Variants in AP1G1 observed in about 807,000 individuals in gnomAD.
The protein encoded by AP1G1 is adaptor related protein complex 1 subunit gamma 1, also known as AP-1 complex subunit gamma-1.
In AP1G1, 7 loss-of-function variants were observed where a neutral mutation model predicts 108.3. That is an observed-to-expected ratio of 0.06 (90% CI 0.04 to 0.12). The LOEUF (loss-of-function observed/expected upper bound fraction) is 0.12. AP1G1 is among the 10% of genes least tolerant of loss of function. The pLI, the probability that AP1G1 is intolerant of heterozygous loss-of-function variation, is 1.00. For synonymous variants in AP1G1, 379 were observed against 353.5 expected (o/e 1.07, Z -0.81); for missense variants, 756 against 1,010.7 (o/e 0.75, Z 3.42).
chr16:71,740,081 G>A (rs1188726670), intron 19 of AP1G1, among the ~76,000 whole-genome samples: 1 of 152,134 alleles, frequency 6.6e-6, no homozygotes, highest in Admixed American at 6.5e-5. Context: ...ATGGAACGAT[G>A]GGAAATTTTA....
At chr16:71,779,895 T>C (rs1399624555) in intron 2 of AP1G1, among the ~76,000 whole-genome samples, 1 of 151,688 alleles carries the variant, frequency 6.6e-6, no homozygotes, top group Non-Finnish European at 1.5e-5. Flanking sequence ...AAGGCGGGAG[T>C]ATTCCTTAAG....
At chr16:71,785,471 A>T (rs1207576067) in intron 2 of AP1G1, among the ~76,000 whole-genome samples, 1 of 149,872 alleles carries the variant, frequency 6.7e-6, no homozygotes, top group Non-Finnish European at 1.5e-5. Context: ...GCTACTCAGG[A>T]GGCTGAGGCA....
chr16:71,808,359 G>C (rs1018152324), intron 1 of AP1G1: 5 of 844,962 alleles, frequency 5.9e-6, no homozygotes, highest in African/African-American at 3.6e-5. Context: ...TGACAGACCT[G>C]ACACGGGTAC....
In AP1G1 at chr16:71,805,800, C is replaced by T. The variant is rs562263197; in HGVS notation, c.-4+2963G>A. ...CTGTAATCTCAGCACTTTGCGAGGCCGAGGCAAGAGGATTGCTTGAGCCCA... is the reference window on the plus strand; with the variant it reads ...CTGTAATCTCAGCACTTTGCGAGGCTGAGGCAAGAGGATTGCTTGAGCCCA... On this transcript the variant is annotated intron_variant, in intron 1 of 22. Coordinates refer to ENST00000299980, the MANE Select transcript of AP1G1 (RefSeq NM_001128.6). 2.6e-5 allele frequency among the ~76,000 whole-genome samples: 4 copies of T among 152,048 alleles called. No individual in the cohort carries two copies. In the East Asian group the frequency reaches 5.8e-4, roughly 22 times the overall value.
chr16:71,785,814 A>G (rs991229715), intron 2 of AP1G1, among the ~76,000 whole-genome samples: 7 of 151,992 alleles, frequency 4.6e-5, no homozygotes, highest in Non-Finnish European at 1.0e-4. Context: ...CCCAGGAGGC[A>G]GAGTTTGCAG....
At chr16:71,796,220 T>A (rs2032580393) in intron 1 of AP1G1, among the ~76,000 whole-genome samples, 1 of 151,978 alleles carries the variant, frequency 6.6e-6, no homozygotes, top group Admixed American at 6.6e-5. Context: ...GCCTGGGTTG[T>A]GAAGTAAGAC....
At chr16:71,779,828 C>G (rs1490538714) in intron 2 of AP1G1, among the ~76,000 whole-genome samples, 3 of 152,104 alleles carry the variant, frequency 2.0e-5, no homozygotes, top group African/African-American at 7.2e-5. Flanking sequence ...GTTTCGCACA[C>G]GGTCAGATGC....
intron 1 of AP1G1, among the ~76,000 whole-genome samples, chr16:71,807,209 T>G (rs2033024290): frequency 6.6e-6 from 1 of 152,210 alleles, no homozygotes; most frequent in Non-Finnish European, 1.5e-5. Flanking sequence ...GCGGATTACC[T>G]GAGCTCAGGA....
intron 2 of AP1G1, among the ~76,000 whole-genome samples, chr16:71,785,612 T>TGC (rs2032174057): frequency 4.9e-5 from 7 of 141,684 alleles, no homozygotes; most frequent in Admixed American, 4.3e-4. Context: ...GGGCTGGGAA[T>TGC]GGTGGCTCAC....
intron 1 of AP1G1, among the ~76,000 whole-genome samples, chr16:71,803,261 CAA>C (rs746380763): frequency 7.2e-5 from 11 of 152,178 alleles, no homozygotes; most frequent in Non-Finnish European, 1.3e-4. Context: ...TTATAAATTA[CAA>C]AAGTCACATG....
rs1308087901 is a variant in AP1G1, at chr16:71,765,652, T to C, written c.643-68A>G. The C allele has an allele frequency of 2.3e-6, 3 of 1,321,040 alleles. No homozygotes were observed. The African/African-American group carries it at 4.3e-5, about 19-fold the overall frequency. The allele number at this position is 1,321,040 out of a possible 1,614,324, so 81.8% of individuals were successfully genotyped here. Reference sequence around the variant, plus strand: ...GAATGTCTCATGAATAAGCAGGTCCTTTGGTTTAGAAAAAGGGTGTAAGGG... The same window carrying C: ...GAATGTCTCATGAATAAGCAGGTCCCTTGGTTTAGAAAAAGGGTGTAAGGG... On this transcript the variant is annotated intron_variant, in intron 6 of 22. Transcript: ENST00000299980.
intron 22 of AP1G1, among the ~76,000 whole-genome samples, chr16:71,733,648 G>A (rs992505891): frequency 4.6e-5 from 7 of 152,142 alleles, no homozygotes; most frequent in Non-Finnish European, 4.4e-5. Context: ...TTACAGGCGT[G>A]AGCCACCATG....
At chr16:71,744,572 T>TTTTG (rs1555551733) in intron 19 of AP1G1, among the ~76,000 whole-genome samples, 1 of 4,156 alleles carries the variant, frequency 2.4e-4, no homozygotes, top group East Asian at 0.023. Context: ...AGAAAGTGTG[T>TTTTG]TTTTTTTTTT....
chr16:71,739,361 G>A lies in AP1G1; in HGVS notation c.2000-20C>T. The stretch of plus-strand genomic sequence containing the variant: ...GAGCACCTAAAGGAAATATTTTAAT[G>A]GAAAGTTAACCTTAGGCAGCATGAC... On this transcript the variant is annotated intron_variant, in intron 19 of 22. Coordinates refer to ENST00000299980, the MANE Select transcript of AP1G1 (RefSeq NM_001128.6). 9.7e-6 allele frequency: 15 copies of A among 1,553,556 alleles called. No homozygotes were observed. The highest frequency in any genetic ancestry group is 1.2e-5 in the Non-Finnish European group (14 of 1,154,566).
rs987980023 is a variant in AP1G1, at chr16:71,729,024, T to A, written c.*4034A>T. 2.6e-5 allele frequency: 4 copies of A among 152,636 alleles called. No individual in the cohort carries two copies. Among genetic ancestry groups the A allele is most frequent in the African/African-American group, 9.6e-5 (4 of 41,472 alleles). 9.5% of individuals were successfully genotyped at this position (152,636 alleles called of 1,614,324 possible). ...ATTTTAAATCATTGGGTATTGACTT[T>A]TTATTATTAGTCACTGTTCATAATT... On this transcript the variant is annotated 3_prime_UTR_variant, in exon 23 of 23. Coordinates refer to ENST00000299980, the MANE Select transcript of AP1G1 (RefSeq NM_001128.6).
chr16:71,735,604 C>T (rs1198323521), intron 21 of AP1G1, among the ~76,000 whole-genome samples: 2 of 149,284 alleles, frequency 1.3e-5, no homozygotes, highest in East Asian at 2.0e-4. Context: ...TGTGGTGAGC[C>T]GAGACTGTGC....
At chr16:71,744,963 T>C (rs1168975548) in intron 19 of AP1G1, among the ~76,000 whole-genome samples, 181 bp downstream of exon 19, 1 of 152,226 alleles carries the variant, frequency 6.6e-6, no homozygotes, top group Admixed American at 6.5e-5. Context: ...GTATAAATTA[T>C]CTTTAGAGCA....
chr16:71,757,995 T>C (rs993404795), intron 11 of AP1G1, among the ~76,000 whole-genome samples: 3 of 152,210 alleles, frequency 2.0e-5, no homozygotes, highest in African/African-American at 7.2e-5. Flanking sequence ...AGGGTACTTA[T>C]AAAATCTTTT....
At chr16:71,738,380 A>G (rs1190996313) in intron 21 of AP1G1, among the ~76,000 whole-genome samples, 1 of 152,172 alleles carries the variant, frequency 6.6e-6, no homozygotes, top group African/African-American at 2.4e-5. Flanking sequence ...CACTATTCAT[A>G]AATGAACATA....
Sources: allele counts gnomAD v4.1 joint callset (sites outside exome capture counted in the v4.1 genomes callset), GRCh38; gene constraint gnomAD v4.1.1; transcripts MANE v1.5; gene names NCBI Gene and HGNC (gene_info 2026-07-23, HGNC 2026-07-21).